The following HIBCH variants were observed in gnomAD, a reference collection of about 807,000 sequenced individuals.
HIBCH encodes the protein 3-hydroxyisobutyryl-CoA hydrolase.
Under a neutral mutation model 58.2 loss-of-function variants are expected in HIBCH, and 50 were observed. That is an observed-to-expected ratio of 0.86 (90% CI 0.68 to 1.09). The LOEUF (loss-of-function observed/expected upper bound fraction) is 1.09, where lower values mean the gene tolerates loss of function less well. HIBCH is among the 50% of genes least tolerant of loss of function. HIBCH has a pLI of 0.00. For synonymous variants in HIBCH, 151 were observed against 146.9 expected (o/e 1.03, Z -0.20); for missense variants, 450 against 449.7 (o/e 1.00, Z -0.01).
At chr2:190,285,196 T>G (rs1687801030) in intron 6 of HIBCH, among the ~76,000 whole-genome samples, 1 of 152,364 alleles carries the variant, frequency 6.6e-6, no homozygotes, top group African/African-American at 2.4e-5. Flanking sequence ...GTTTCCTGTT[T>G]CCCTTTTTCA....
At chr2:190,240,367 G>T (rs1481917329) in intron 11 of HIBCH, among the ~76,000 whole-genome samples, 1 of 152,034 alleles carries the variant, frequency 6.6e-6, no homozygotes, top group East Asian at 1.9e-4. Flanking sequence ...ATTTTTTATT[G>T]TGTCTATTTG....
At chr2:190,219,694 T>C (rs1009377847) in intron 11 of HIBCH, among the ~76,000 whole-genome samples, 1 of 152,166 alleles carries the variant, frequency 6.6e-6, no homozygotes, top group African/African-American at 2.4e-5. Flanking sequence ...TGATGGGACC[T>C]ACAATACTCA....
rs1690385093 is a variant in HIBCH, at chr2:190,206,154, G to A, written c.1046-922C>T. Among the ~76,000 whole-genome samples, 1 of 152,166 alleles carries A rather than the reference G, an allele frequency of 6.6e-6. No individual in the cohort carries two copies. Among genetic ancestry groups the A allele is most frequent in the Non-Finnish European group, 1.5e-5 (1 of 68,018 alleles). ...TAAAATAGTTAAAGAAGCAGTATGG[G>A]AACCAAGGAAGAAGACTGCCTTGGT... On this transcript the variant is annotated intron_variant, in intron 13 of 13. Coordinates refer to ENST00000359678, the MANE Select transcript of HIBCH (RefSeq NM_014362.4). This position sits in a 1 kb window ranked among gnomAD's most constrained non-coding sequence, Gnocchi z 5.1.
At chr2:190,284,545 T>A (rs57244571) in intron 6 of HIBCH, among the ~76,000 whole-genome samples, 2,310 of 152,296 alleles carry the variant, frequency 0.015, 63 homozygotes, top group African/African-American at 0.051. Flanking sequence ...ATATTTACCA[T>A]TTCTGATAAT....
chr2:190,311,685 G>C (rs1688562273), intron 1 of HIBCH, among the ~76,000 whole-genome samples: 3 of 152,126 alleles, frequency 2.0e-5, no homozygotes, highest in Admixed American at 2.0e-4. Context: ...TTACAGGATG[G>C]AAAAACTGAA....
intron 6 of HIBCH, among the ~76,000 whole-genome samples, chr2:190,273,226 C>CT (rs1443198037): frequency 6.6e-6 from 1 of 151,964 alleles, no homozygotes; most frequent in African/African-American, 2.4e-5. Context: ...AACCTCAACT[C>CT]TATTAAAAAT....
intron 6 of HIBCH, among the ~76,000 whole-genome samples, chr2:190,265,503 A>G (rs1687208836): frequency 6.7e-6 from 1 of 148,384 alleles, no homozygotes; most frequent in Admixed American, 6.7e-5. Context: ...TTCTCTATAT[A>G]TCCTAGACAG....
At chr2:190,208,995 A>G (rs1007633470) in intron 12 of HIBCH, 82 bp from the exon 13 acceptor site, 1 of 1,234,348 alleles carries the variant, frequency 8.1e-7, no homozygotes. Context: ...TATTCACTTC[A>G]GCCTTCCACT....
intron 3 of HIBCH, among the ~76,000 whole-genome samples, chr2:190,296,337 A>G (rs291456): frequency 0.72 from 109,420 of 151,248 alleles, 40,065 homozygotes; most frequent in Non-Finnish European, 0.75. Flanking sequence ...GGAGAATGGC[A>G]TGAACCCGGG....
At chr2:190,280,980 A>C (rs1344937249) in intron 6 of HIBCH, 1 of 152,196 alleles carries the variant, frequency 6.6e-6, no homozygotes, top group Admixed American at 6.6e-5. Flanking sequence ...CTTTCCTTCA[A>C]GGAGGCAAGA....
In HIBCH at chr2:190,248,373, G is replaced by A. The variant is rs563458957; in HGVS notation, c.750+1267C>T. Among the ~76,000 whole-genome samples the A allele has an allele frequency of 9.2e-5, 14 of 152,160 alleles. No homozygotes were observed. In the South Asian group the frequency reaches 2.1e-3, roughly 23 times the overall value. On this transcript the variant is annotated intron_variant, in intron 9 of 13. Transcript: ENST00000359678. ...CAATGTATTGCTTAGGAGTGGGGTG[G>A]GATGCAGCGGTTCTGCAAGCCAACT...
intron 11 of HIBCH, among the ~76,000 whole-genome samples, chr2:190,239,789 A>C (rs1474274384): frequency 6.6e-6 from 1 of 151,486 alleles, no homozygotes; most frequent in Non-Finnish European, 1.5e-5. Context: ...AGCTGGGATT[A>C]TAGCCATGTG....
intron 2 of HIBCH, among the ~76,000 whole-genome samples, chr2:190,309,058 T>C (rs745453196): frequency 6.6e-6 from 1 of 152,192 alleles, no homozygotes; most frequent in African/African-American, 2.4e-5. Flanking sequence ...AAATAGTACA[T>C]ACTAAATACT....
At chr2:190,273,929 C>T (rs1575741462) in intron 6 of HIBCH, among the ~76,000 whole-genome samples, 1 of 152,120 alleles carries the variant, frequency 6.6e-6, no homozygotes, top group African/African-American at 2.4e-5. Context: ...CCCGCCTCAA[C>T]CTCCCAAGTA....
chr2:190,305,198 C>A (rs1311673181), intron 2 of HIBCH, among the ~76,000 whole-genome samples: 4 of 152,040 alleles, frequency 2.6e-5, no homozygotes, highest in African/African-American at 9.7e-5. Context: ...AGGGGGGAAT[C>A]CTTTTAAGGA....
At chr2:190,278,168 C>T (rs961203712) in intron 6 of HIBCH, among the ~76,000 whole-genome samples, 2 of 151,908 alleles carry the variant, frequency 1.3e-5, no homozygotes, top group African/African-American at 4.8e-5. Context: ...ATTCTTGGGC[C>T]AAATTCCAGA....
At chr2:190,200,503 TAAC>T (rs1200212295), downstream of HIBCH, 1 of 177,332 alleles carries the variant, frequency 5.6e-6, no homozygotes, top group Non-Finnish European at 1.3e-5. Flanking sequence ...TCCTTTAAAA[TAAC>T]AATTTTTGTT....
intron 6 of HIBCH, among the ~76,000 whole-genome samples, chr2:190,273,713 A>AAAG (rs1687469552): frequency 6.6e-6 from 1 of 152,052 alleles, no homozygotes; most frequent in Non-Finnish European, 1.5e-5. Context: ...TTAAAAAAAA[A>AAAG]AGAGATTTAA....
intron 2 of HIBCH, among the ~76,000 whole-genome samples, chr2:190,302,820 C>A (rs1688302137): frequency 6.6e-6 from 1 of 152,120 alleles, no homozygotes; most frequent in Non-Finnish European, 1.5e-5. Flanking sequence ...ATGACATAAC[C>A]TCAGTGAAGT....
Sources: allele counts gnomAD v4.1 joint callset (sites outside exome capture counted in the v4.1 genomes callset), GRCh38; gene constraint gnomAD v4.1.1; non-coding constraint Gnocchi (gnomAD v3.1); transcripts MANE v1.5; gene names NCBI Gene and HGNC (gene_info 2026-07-23, HGNC 2026-07-21).